The following GARRE1 variants were observed in gnomAD, a reference collection of about 807,000 sequenced individuals.
GARRE1 encodes the protein granule associated Rac and RHOG effector protein 1.
A neutral mutation model predicts 103.2 loss-of-function variants in GARRE1; 49 were observed. That is an observed-to-expected ratio of 0.47 (90% confidence interval 0.38 to 0.60). The LOEUF (loss-of-function observed/expected upper bound fraction) is 0.60. Among genes scored for constraint, GARRE1 ranks in the 20% least tolerant of loss-of-function variants. The pLI is 0.00. For synonymous variants in GARRE1, 505 were observed against 532.8 expected, an observed-to-expected ratio of 0.95 and a Z score of 0.72; for missense variants, 1,199 against 1,370.5, an observed-to-expected ratio of 0.87 and a Z score of 1.98.
At chr19:34,278,062 T>C (rs1464624605) in intron 1 of GARRE1, among the ~76,000 whole-genome samples, 1 of 152,000 alleles carries the variant, frequency 6.6e-6, no homozygotes, top group African/African-American at 2.4e-5. Context: ...TTAACCATTT[T>C]TATTATACAT....
At chr19:34,325,428 CTA>C (rs2074107089) in intron 3 of GARRE1, among the ~76,000 whole-genome samples, 2 of 152,294 alleles carry the variant, frequency 1.3e-5, no homozygotes, top group African/African-American at 4.8e-5. Context: ...TAGACCCTCT[CTA>C]TGCTAGTGAG....
intron 1 of GARRE1, among the ~76,000 whole-genome samples, chr19:34,277,136 A>C (rs2073821583): frequency 6.6e-6 from 1 of 152,094 alleles, no homozygotes; most frequent in East Asian, 1.9e-4. Flanking sequence ...CACTAGAAGA[A>C]CTGGAAGATA....
chr19:34,314,845 A>G (rs1364345155), intron 2 of GARRE1, among the ~76,000 whole-genome samples: 1 of 152,144 alleles, frequency 6.6e-6, no homozygotes, highest in Non-Finnish European at 1.5e-5. Flanking sequence ...TAGCCCAGGC[A>G]TGGTCTGCTG....
intron 11 of GARRE1, 73 bp downstream of exon 11, chr19:34,348,115 G>T: frequency 2.4e-6 from 3 of 1,272,638 alleles, no homozygotes; most frequent in Non-Finnish European, 3.1e-6. Flanking sequence ...GAGAAGAGAG[G>T]CTCCTTGCCT....
chr19:34,274,148 G>A (rs1180067711), intron 1 of GARRE1, among the ~76,000 whole-genome samples: 1 of 152,150 alleles, frequency 6.6e-6, no homozygotes, highest in East Asian at 1.9e-4. Context: ...GCTCATACCT[G>A]TAATCCCAGC....
intron 1 of GARRE1, among the ~76,000 whole-genome samples, chr19:34,272,886 T>A (rs1445966461): frequency 6.6e-6 from 1 of 152,196 alleles, no homozygotes; most frequent in South Asian, 2.1e-4. Context: ...ACCTACCTTA[T>A]GGGGTCATTG....
intron 1 of GARRE1, among the ~76,000 whole-genome samples, chr19:34,271,413 T>C (rs1382629585): frequency 6.6e-6 from 1 of 151,992 alleles, no homozygotes; most frequent in African/African-American, 2.4e-5. Context: ...CACACCCAAC[T>C]AACTTTTTGT....
chr19:34,352,789 A>T lies in GARRE1; in HGVS notation c.3047A>T (p.Gln1016Leu). Reference sequence around the variant, plus strand: ...TGGAACGACACCATGCAGATGCTGCAGTCCCCAGTGTGGGCCGCAACCAAC... The same window carrying T: ...TGGAACGACACCATGCAGATGCTGCTGTCCCCAGTGTGGGCCGCAACCAAC... ...SQWNDTMQML[Q>L]SPVWAATNDC... The change falls in exon 14 of 14, where the codon CAG becomes CTG. Residue 1016 changes from glutamine to leucine, a missense_variant. By Grantham distance (113) the Gln-to-Leu change is moderately radical (BLOSUM62 -2). Coordinates refer to ENST00000299505, the MANE Select transcript of GARRE1 (RefSeq NM_014686.5). The T allele has an allele frequency of 6.2e-7, 1 of 1,614,116 alleles. No homozygotes were observed. Among genetic ancestry groups the T allele is most frequent in the Admixed American group, 1.7e-5 (1 of 60,026 alleles).
rs1009515175 is a variant in GARRE1, at chr19:34,354,064, C to T, written c.*1109C>T. On this transcript the variant is annotated 3_prime_UTR_variant, in exon 14 of 14. Coordinates refer to ENST00000299505, the MANE Select transcript of GARRE1 (RefSeq NM_014686.5). ...AATTGAGAAATAATAATAAATATAT[C>T]TATATAGAATAGACATATCCCACTG... The T allele has an allele frequency of 2.0e-5, 3 of 152,424 alleles. No individual in the cohort carries two copies. The highest frequency in any genetic ancestry group is 7.2e-5 in the African/African-American group (3 of 41,386). 9.4% of individuals were successfully genotyped at this position (152,424 alleles called of 1,614,324 possible).
At chr19:34,307,610 C>CATAT (rs1003360623) in intron 2 of GARRE1, among the ~76,000 whole-genome samples, 1 of 141,964 alleles carries the variant, frequency 7.0e-6, no homozygotes, top group East Asian at 2.0e-4. Context: ...CACACACATA[C>CATAT]ATATATATAC....
chr19:34,295,450 A>AT (rs1381713856), intron 1 of GARRE1, among the ~76,000 whole-genome samples: 1 of 152,044 alleles, frequency 6.6e-6, no homozygotes, highest in Non-Finnish European at 1.5e-5. Flanking sequence ...TTATTCTGCC[A>AT]TTTTTGATGA....
In GARRE1 at chr19:34,341,983, G is replaced by T; in HGVS notation, c.2049G>T (p.Lys683Asn). 1 of 1,614,204 alleles carries T rather than the reference G, an allele frequency of 6.2e-7. No individual in the cohort carries two copies. ...CCACAGCCATGGTGACTGAGCAGAAGGCAGGAGCCATGCAACCACAGCAGC... is the reference window on the plus strand; with the variant it reads ...CCACAGCCATGGTGACTGAGCAGAATGCAGGAGCCATGCAACCACAGCAGC... ...SAATAMVTEQ[K>N]AGAMQPQQPS... is the part of the protein sequence containing the mutation. Residue 683 changes from lysine to asparagine, a missense_variant, in exon 10 of 14, where the codon AAG becomes AAT. Lys to Asn is a moderately conservative substitution (Grantham distance 94, BLOSUM62 0). Transcript: ENST00000299505.
At chr19:34,272,626 G>T (rs771955652) in intron 1 of GARRE1, among the ~76,000 whole-genome samples, 8 of 152,206 alleles carry the variant, frequency 5.3e-5, no homozygotes, top group Non-Finnish European at 1.0e-4. Context: ...ATCTCCTAGA[G>T]AGAGGTCACT....
Position 34,330,162 on chromosome 19 carries a change from G to A in GARRE1, c.1105-27G>A, listed in dbSNP as rs373979574. ...ACCTTGCATGGCTTTGTCTTGAGGT[G>A]TGAACTCTCTTCTTATCAATCTATA... On this transcript the variant is annotated intron_variant, in intron 6 of 13. Transcript: ENST00000299505. The A allele has an allele frequency of 5.4e-5, 87 of 1,604,972 alleles. 1 individual carries two copies. In the Middle Eastern group the frequency reaches 9.9e-4, roughly 18 times the overall value.
rs373052299 is a variant in GARRE1 at position 34,342,010 on chromosome 19, G to A, written c.2076G>A (p.Pro692=). The change falls in exon 10 of 14, where the codon CCG becomes CCA. Residue 692 remains proline, a synonymous_variant. Coordinates refer to ENST00000299505, the MANE Select transcript of GARRE1 (RefSeq NM_014686.5). ...QKAGAMQPQQ[P]SLPVPPPPRA... ...CAGGAGCCATGCAACCACAGCAGCCGTCACTGCCTGTGCCCCCTCCACCAC... is the reference window on the plus strand; with the variant it reads ...CAGGAGCCATGCAACCACAGCAGCCATCACTGCCTGTGCCCCCTCCACCAC... 31 of 1,613,966 alleles carry A rather than the reference G, an allele frequency of 1.9e-5. No homozygotes were observed. The African/African-American group carries it at 2.0e-4, about 10-fold the overall frequency.
rs920180579 is a variant in GARRE1 at position 34,279,740 on chromosome 19, C to T, written c.-795-19939C>T. ...GTGGCTCACGCCTGTAATCCCAGCA[C>T]TTTGGGAGGCCGAGGCGGGCGGATC... On this transcript the variant is annotated intron_variant, in intron 1 of 13. Transcript: ENST00000299505. 3.3e-5 allele frequency among the ~76,000 whole-genome samples: 5 copies of T among 152,098 alleles called. No homozygotes were observed. The East Asian group carries it at 9.7e-4, about 29-fold the overall frequency.
intron 1 of GARRE1, among the ~76,000 whole-genome samples, chr19:34,260,962 C>T (rs950674819): frequency 3.3e-5 from 5 of 152,134 alleles, no homozygotes; most frequent in African/African-American, 7.2e-5. Context: ...AGAGGAATTA[C>T]GTGGTGTGTG....
At chr19:34,284,066 G>A (rs879792496) in intron 1 of GARRE1, among the ~76,000 whole-genome samples, 2 of 148,674 alleles carry the variant, frequency 1.3e-5, no homozygotes, top group South Asian at 4.2e-4. Context: ...TCCTGACCTC[G>A]TGATCCGCCC....
intron 12 of GARRE1, among the ~76,000 whole-genome samples, 154 bp downstream of exon 12, chr19:34,349,307 G>A (rs1187036936): frequency 6.6e-6 from 1 of 152,182 alleles, no homozygotes; most frequent in Non-Finnish European, 1.5e-5. Context: ...AGCCTCTGAA[G>A]AGCACCTGCA....
Sources: gnomAD v4.1 joint callset for allele counts (sites outside exome capture counted in the v4.1 genomes callset) on GRCh38, gnomAD v4.1.1 for gene constraint, MANE v1.5 for transcripts, NCBI Gene and HGNC (gene_info 2026-07-23, HGNC 2026-07-21) for gene names.